The following JARID2 variants were observed in gnomAD, a reference collection of about 807,000 sequenced individuals.
JARID2 encodes jumonji and AT-rich interaction domain containing 2.
In JARID2, 21 loss-of-function variants were observed where a neutral mutation model predicts 125.6. The ratio of observed to expected loss-of-function variants is 0.17; its 90% CI spans 0.12 to 0.24. JARID2 has a LOEUF of 0.24. JARID2 is among the 10% of genes least tolerant of loss of function. The pLI is 1.00. For synonymous variants in JARID2, 736 were observed against 661.6 expected (o/e 1.11, Z -1.73); for missense variants, 1,303 against 1,639.6 (o/e 0.79, Z 3.55).
intron 1 of JARID2, among the ~76,000 whole-genome samples, chr6:15,357,911 T>C (rs1489846982): frequency 6.6e-6 from 1 of 152,166 alleles, no homozygotes; most frequent in African/African-American, 2.4e-5. Flanking sequence ...GACAAGCAAT[T>C]CCACCGTCTT....
chr6:15,510,657 C>G (rs1771233522), intron 12 of JARID2, among the ~76,000 whole-genome samples: 1 of 152,190 alleles, frequency 6.6e-6, no homozygotes, highest in African/African-American at 2.4e-5. Context: ...TAGGCTGGGT[C>G]CTAACACGTA....
At chr6:15,335,399 C>A (rs1278989559) in intron 1 of JARID2, among the ~76,000 whole-genome samples, 2 of 152,168 alleles carry the variant, frequency 1.3e-5, no homozygotes, top group Non-Finnish European at 2.9e-5. Context: ...TGCTCCTGGC[C>A]CACACCCCTC....
chr6:15,496,490 T>A lies in JARID2; in HGVS notation c.1265T>A (p.Val422Glu), dbSNP rs867980083. 1 of 1,584,204 alleles carries A rather than the reference T, an allele frequency of 6.3e-7. No homozygotes were observed. Among genetic ancestry groups the A allele is most frequent in the Admixed American group, 1.7e-5 (1 of 58,600 alleles). Residue 422 changes from valine (V) to glutamate (E), a missense_variant, in exon 7 of 18, where the codon GTG becomes GAG. By Grantham distance (121) the Val-to-Glu change is moderately radical (BLOSUM62 -2). Around this residue, in one of 11 missense-constraint regions of JARID2, gnomAD observed 651 missense variants for 581.6 expected, o/e 1.12. Coordinates refer to ENST00000341776, the MANE Select transcript of JARID2 (RefSeq NM_004973.4). ...RLNPKSCTKE[V>E]GGRQLREGLQ... Reference sequence around the variant, plus strand: ...AACCCAAAGTCATGCACTAAGGAGGTGGGGGGGCGGCAGCTGCGGGAGGGC... The same window carrying A: ...AACCCAAAGTCATGCACTAAGGAGGAGGGGGGGCGGCAGCTGCGGGAGGGC...
rs1410840291 is a variant in JARID2 at position 15,374,199 on chromosome 6, C to T, written c.128C>T (p.Ser43Phe). The T allele has an allele frequency of 6.2e-7, 1 of 1,613,914 alleles. No homozygotes were observed. Among genetic ancestry groups the T allele is most frequent in the East Asian group, 2.2e-5 (1 of 44,886 alleles). Residue 43 changes from serine (S) to phenylalanine (F), a missense_variant, in exon 2 of 18, where the codon TCC (serine) becomes TTC (phenylalanine). Ser to Phe is a radical substitution (Grantham distance 155). Around this residue, in one of 11 missense-constraint regions of JARID2, gnomAD observed 93 missense variants for 120.4 expected, o/e 0.77. Transcript: ENST00000341776. ...LYLSLKEFKN[S>F]QKRQHAEGIA... ...TTGTCTCTGAAGGAGTTCAAGAATT[C>T]CCAGAAGAGGCAGCATGCGGAAGGC...
intron 1 of JARID2, among the ~76,000 whole-genome samples, chr6:15,311,662 G>A (rs1762017982): frequency 6.6e-6 from 1 of 151,938 alleles, no homozygotes; most frequent in African/African-American, 2.4e-5. Context: ...CTGCCTTTCT[G>A]CACAATACAA....
At chr6:15,335,849 T>C (rs528490556) in intron 1 of JARID2, among the ~76,000 whole-genome samples, 1 of 152,006 alleles carries the variant, frequency 6.6e-6, no homozygotes, top group East Asian at 1.9e-4. Flanking sequence ...TCCCAGCACT[T>C]TGGGAGTCTG....
At chr6:15,485,068 G>C (rs1034924769) in intron 5 of JARID2, among the ~76,000 whole-genome samples, 1 of 152,142 alleles carries the variant, frequency 6.6e-6, no homozygotes, top group Admixed American at 6.5e-5. Flanking sequence ...TCTGACAATG[G>C]GTAGTTACTT....
chr6:15,516,066 C>T (rs1771545501), intron 16 of JARID2, among the ~76,000 whole-genome samples: 1 of 151,138 alleles, frequency 6.6e-6, no homozygotes, highest in African/African-American at 2.4e-5. Flanking sequence ...TGACAGTTTG[C>T]ATTGCTTGGA....
chr6:15,301,903 T>C (rs368017909), intron 1 of JARID2, among the ~76,000 whole-genome samples: 2 of 152,126 alleles, frequency 1.3e-5, no homozygotes, highest in Admixed American at 6.5e-5. Context: ...TTGACTAATA[T>C]AGATGATCAG....
intron 2 of JARID2, among the ~76,000 whole-genome samples, chr6:15,387,886 G>T (rs770062036): frequency 1.3e-5 from 2 of 152,108 alleles, no homozygotes; most frequent in Non-Finnish European, 2.9e-5. Context: ...TTCTGAGGTC[G>T]AGGGAATCCT....
chr6:15,380,508 G>A (rs1468002437), intron 2 of JARID2, among the ~76,000 whole-genome samples: 6 of 152,166 alleles, frequency 3.9e-5, no homozygotes, highest in South Asian at 2.1e-4. Context: ...AGATGCATCC[G>A]TTAGTTTCCA....
chr6:15,424,928 C>G (rs1418812899), intron 3 of JARID2, among the ~76,000 whole-genome samples: 1 of 152,182 alleles, frequency 6.6e-6, no homozygotes, highest in Non-Finnish European at 1.5e-5. Flanking sequence ...GATGTGCTGT[C>G]CACTTCCACT....
rs771140538 is a variant in JARID2 at position 15,496,499 on chromosome 6, G to GGCAGCTGCGGGAGGGCCT, written c.1290_1307dup (p.Gln432_Leu437dup). 1.1e-5 allele frequency: 18 copies of GGCAGCTGCGGGAGGGCCT among 1,607,396 alleles called. No individual in the cohort carries two copies. Among genetic ancestry groups the GGCAGCTGCGGGAGGGCCT allele is most frequent in the African/African-American group, 2.7e-5 (2 of 74,842 alleles). Reference sequence around the variant, plus strand: ...TCATGCACTAAGGAGGTGGGGGGGCGGCAGCTGCGGGAGGGCCTGCAGCTG... The same window carrying GGCAGCTGCGGGAGGGCCT: ...TCATGCACTAAGGAGGTGGGGGGGCGGCAGCTGCGGGAGGGCCTGCAGCTGCGGGAGGGCCTGCAGCTG... On this transcript the variant is annotated inframe_insertion, in exon 7 of 18. Coordinates refer to ENST00000341776, the MANE Select transcript of JARID2 (RefSeq NM_004973.4).
chr6:15,494,210 T>G (rs897440073), intron 6 of JARID2, among the ~76,000 whole-genome samples: 1 of 152,120 alleles, frequency 6.6e-6, no homozygotes, highest in African/African-American at 2.4e-5. Context: ...TTTTATAAAC[T>G]TCACTGATAC....
chr6:15,337,553 C>T (rs1038333582), intron 1 of JARID2, among the ~76,000 whole-genome samples: 2 of 152,148 alleles, frequency 1.3e-5, no homozygotes, highest in African/African-American at 2.4e-5. Flanking sequence ...GGGCACTTCT[C>T]GTCTGCCACA....
intron 3 of JARID2, among the ~76,000 whole-genome samples, chr6:15,444,321 A>G (rs569689628): frequency 1.3e-5 from 2 of 152,300 alleles, no homozygotes; most frequent in African/African-American, 2.4e-5. Flanking sequence ...AGAGTTTGCT[A>G]TGAATTGGTC....
chr6:15,395,686 C>T (rs1765194991), intron 2 of JARID2, among the ~76,000 whole-genome samples: 1 of 151,788 alleles, frequency 6.6e-6, no homozygotes, highest in African/African-American at 2.4e-5. Flanking sequence ...AGGCATGAGC[C>T]ACCGCTCCCA....
intron 1 of JARID2, among the ~76,000 whole-genome samples, chr6:15,362,331 T>C (rs1230921671): frequency 6.6e-6 from 1 of 152,224 alleles, no homozygotes; most frequent in Non-Finnish European, 1.5e-5. Context: ...CAGACATAGC[T>C]GGTAAATTAA....
chr6:15,325,888 G>A (rs986326719), intron 1 of JARID2, among the ~76,000 whole-genome samples: 2 of 152,140 alleles, frequency 1.3e-5, no homozygotes, highest in Non-Finnish European at 2.9e-5. Flanking sequence ...CTCCCGTTAA[G>A]CCAGATATTA....
Sources: allele counts gnomAD v4.1 joint callset (sites outside exome capture counted in the v4.1 genomes callset), GRCh38; gene constraint gnomAD v4.1.1; regional missense constraint gnomAD v4.1.1; transcripts MANE v1.5; gene names NCBI Gene and HGNC (gene_info 2026-07-23, HGNC 2026-07-21).